The following CNTNAP2 variants were observed in gnomAD, a reference collection of about 807,000 sequenced individuals.
CNTNAP2 encodes the protein contactin associated protein 2.
CNTNAP2 carries 98 observed loss-of-function variants against 155.2 expected under a neutral mutation model. The observed-to-expected ratio is 0.63, with a 90% CI of 0.54 to 0.75. The LOEUF (loss-of-function observed/expected upper bound fraction) is 0.75, where lower values mean the gene tolerates loss of function less well. Among genes scored for constraint, CNTNAP2 ranks in the 30% least tolerant of loss-of-function variants. The pLI, the probability that CNTNAP2 is intolerant of heterozygous loss-of-function variation, is 0.00. For synonymous variants in CNTNAP2, 651 were observed against 631.2 expected (o/e 1.03, Z -0.47); for missense variants, 1,727 against 1,688.1 (o/e 1.02, Z -0.40).
At chr7:147,363,691 T>C (rs933240578) in intron 9 of CNTNAP2, among the ~76,000 whole-genome samples, 1 of 152,340 alleles carries the variant, frequency 6.6e-6, no homozygotes, top group Non-Finnish European at 1.5e-5. Flanking sequence ...TCTTGATTTT[T>C]TGTATGTTTT....
At chr7:146,468,737 CTGA>C (rs1166132729) in intron 1 of CNTNAP2, among the ~76,000 whole-genome samples, 1 of 152,094 alleles carries the variant, frequency 6.6e-6, no homozygotes, top group Non-Finnish European at 1.5e-5. Context: ...GATGGCAAAG[CTGA>C]TTCACCTGTT....
intron 5 of CNTNAP2, among the ~76,000 whole-genome samples, chr7:147,116,607 G>T (rs1229813599): frequency 6.6e-6 from 1 of 152,220 alleles, no homozygotes; most frequent in Non-Finnish European, 1.5e-5. Flanking sequence ...CAGCTATGTT[G>T]TGGTGAGGAA....
chr7:148,363,882 T>G (rs1461802089), intron 21 of CNTNAP2, among the ~76,000 whole-genome samples: 3 of 149,528 alleles, frequency 2.0e-5, no homozygotes, highest in African/African-American at 7.4e-5. Flanking sequence ...GGGCGTGGGC[T>G]TGGTGGGCCC....
At chr7:148,093,548 A>T (rs1803894944) in intron 15 of CNTNAP2, among the ~76,000 whole-genome samples, 1 of 152,210 alleles carries the variant, frequency 6.6e-6, no homozygotes, top group Non-Finnish European at 1.5e-5. Context: ...TTGTTAGCAG[A>T]AAAAGGAAAA....
intron 4 of CNTNAP2, among the ~76,000 whole-genome samples, chr7:147,053,496 A>G (rs1371373846): frequency 6.6e-6 from 1 of 152,128 alleles, no homozygotes; most frequent in African/African-American, 2.4e-5. Flanking sequence ...TGTCACTGAT[A>G]TAGAGCTAGA....
At chr7:147,704,371 C>G (rs1373655804) in intron 13 of CNTNAP2, 2 of 164,524 alleles carry the variant, frequency 1.2e-5, no homozygotes, top group Non-Finnish European at 2.9e-5. Flanking sequence ...ATCAGTTTGC[C>G]CCATACCAAA....
chr7:148,126,210 G>A (rs1328145716), intron 16 of CNTNAP2, among the ~76,000 whole-genome samples: 1 of 152,132 alleles, frequency 6.6e-6, no homozygotes, highest in Non-Finnish European at 1.5e-5. Context: ...ATCATAGATG[G>A]CATGAACACA....
chr7:146,791,832 C>T (rs769033107), intron 2 of CNTNAP2, among the ~76,000 whole-genome samples: 1 of 152,192 alleles, frequency 6.6e-6, no homozygotes, highest in Admixed American at 6.5e-5. Context: ...AAATAGATTT[C>T]TCACTGAGCC....
intron 1 of CNTNAP2, among the ~76,000 whole-genome samples, chr7:146,274,585 A>G (rs1410447936): frequency 6.6e-6 from 1 of 152,136 alleles, no homozygotes; most frequent in Non-Finnish European, 1.5e-5. Flanking sequence ...CAGTTTGTTC[A>G]CCAGACCAGG....
intron 1 of CNTNAP2, among the ~76,000 whole-genome samples, chr7:146,421,292 T>C (rs1796008868): frequency 6.6e-6 from 1 of 152,060 alleles, no homozygotes; most frequent in East Asian, 1.9e-4. Flanking sequence ...AAGTTGGCTA[T>C]CAATTGTTTT....
At chr7:147,942,820 G>T (rs1365219451) in intron 14 of CNTNAP2, among the ~76,000 whole-genome samples, 1 of 152,036 alleles carries the variant, frequency 6.6e-6, no homozygotes, top group South Asian at 2.1e-4. Flanking sequence ...GGCGGATCAC[G>T]AGGTCAGGAG....
At chr7:147,615,642 C>T (rs908868290) in intron 12 of CNTNAP2, among the ~76,000 whole-genome samples, 1 of 151,900 alleles carries the variant, frequency 6.6e-6, no homozygotes, top group Non-Finnish European at 1.5e-5. Context: ...GTAATGATTG[C>T]CCTTTTAAAA....
chr7:146,979,771 A>G (rs979754258), intron 3 of CNTNAP2, among the ~76,000 whole-genome samples: 13 of 152,232 alleles, frequency 8.5e-5, no homozygotes, highest in African/African-American at 3.1e-4. Context: ...TTACATTTGT[A>G]AAAAGAAGAA....
At chr7:148,066,073 C>T (rs570196875) in intron 15 of CNTNAP2, among the ~76,000 whole-genome samples, 1 of 152,248 alleles carries the variant, frequency 6.6e-6, no homozygotes, top group African/African-American at 2.4e-5. Context: ...AAATTCTTGG[C>T]TTTTAATTAT....
At chr7:146,902,301 C>T (rs73742610) in intron 3 of CNTNAP2, among the ~76,000 whole-genome samples, 2,525 of 152,134 alleles carry the variant, frequency 0.017, 59 homozygotes, top group African/African-American at 0.057. Flanking sequence ...CACTTTTAAT[C>T]CCTCTTCTGA....
At chr7:147,065,198 G>A (rs527904057) in intron 4 of CNTNAP2, among the ~76,000 whole-genome samples, 1 of 152,184 alleles carries the variant, frequency 6.6e-6, no homozygotes, top group South Asian at 2.1e-4. Flanking sequence ...TATATGTAAG[G>A]TGAATGTGAT....
chr7:147,493,328 T>C (rs1471901715), intron 11 of CNTNAP2, among the ~76,000 whole-genome samples: 1 of 152,212 alleles, frequency 6.6e-6, no homozygotes, highest in African/African-American at 2.4e-5. Flanking sequence ...CAGGTTGTGC[T>C]TCTGTGTTAT....
At chr7:147,503,136 C>G (rs1289758615) in intron 11 of CNTNAP2, among the ~76,000 whole-genome samples, 3 of 152,180 alleles carry the variant, frequency 2.0e-5, no homozygotes, top group Non-Finnish European at 4.4e-5. Flanking sequence ...AGCCCACGCT[C>G]CCCTTGAAAT....
chr7:146,254,032 A>C (rs1799798267), intron 1 of CNTNAP2, among the ~76,000 whole-genome samples: 1 of 152,074 alleles, frequency 6.6e-6, no homozygotes, highest in Admixed American at 6.6e-5. Flanking sequence ...ACTGAACTCC[A>C]GCCTGGGTGA....
Sources: gnomAD v4.1 joint callset for allele counts (sites outside exome capture counted in the v4.1 genomes callset) on GRCh38, gnomAD v4.1.1 for gene constraint, MANE v1.5 for transcripts, NCBI Gene and HGNC (gene_info 2026-07-23, HGNC 2026-07-21) for gene names.